Variants in DENND1A observed in about 807,000 individuals in gnomAD.
DENND1A encodes DENN domain containing 1A, also known as DENN domain-containing protein 1A.
Under a neutral mutation model 113.7 loss-of-function variants are expected in DENND1A, and 51 were observed. The ratio of observed to expected loss-of-function variants is 0.45; its 90% CI spans 0.36 to 0.57. The LOEUF (loss-of-function observed/expected upper bound fraction) is 0.57. Among genes scored for constraint, DENND1A ranks in the 20% least tolerant of loss-of-function variants. DENND1A has a pLI of 0.00. For missense variants in DENND1A, 1,258 were observed against 1,395.9 expected (o/e 0.90, Z 1.57); for synonymous variants, 565 against 570.8 (o/e 0.99, Z 0.14).
chr9:123,852,791 T>C (rs1843574223), intron 2 of DENND1A, among the ~76,000 whole-genome samples: 2 of 152,180 alleles, frequency 1.3e-5, no homozygotes, highest in Admixed American at 1.3e-4. Context: ...CCTATAAACC[T>C]GCATTTTAAT....
At chr9:123,411,078 A>G (rs1588394119) in intron 20 of DENND1A, among the ~76,000 whole-genome samples, 1 of 146,152 alleles carries the variant, frequency 6.8e-6, no homozygotes, top group Non-Finnish European at 1.5e-5. Context: ...CTGCTTCTCC[A>G]TCCTTACTTG....
chr9:123,440,681 A>G (rs2046864810), intron 18 of DENND1A, among the ~76,000 whole-genome samples, 190 bp from the exon 19 acceptor site: 1 of 152,278 alleles, frequency 6.6e-6, no homozygotes, highest in Non-Finnish European at 1.5e-5. Flanking sequence ...AACCCAAACC[A>G]TCCATGTGAA....
intron 2 of DENND1A, among the ~76,000 whole-genome samples, chr9:123,827,646 C>A (rs1839564446): frequency 6.6e-6 from 1 of 152,076 alleles, no homozygotes; most frequent in Non-Finnish European, 1.5e-5. Context: ...GGTTTCAAAT[C>A]CCCAACAGGA....
intron 5 of DENND1A, among the ~76,000 whole-genome samples, chr9:123,690,067 A>C: frequency 9.8e-6 from 1 of 102,398 alleles, no homozygotes; most frequent in Non-Finnish European, 1.9e-5. Context: ...GGAGGGAGGG[A>C]GGGAGGGAAG....
chr9:123,831,500 T>C (rs80295215), intron 2 of DENND1A, among the ~76,000 whole-genome samples: 2 of 152,108 alleles, frequency 1.3e-5, no homozygotes, highest in Middle Eastern at 3.2e-3. Flanking sequence ...AAAAAACTTT[T>C]AACAATAACA....
At chr9:123,737,340 T>A (rs1164660260) in intron 5 of DENND1A, among the ~76,000 whole-genome samples, 1 of 152,046 alleles carries the variant, frequency 6.6e-6, no homozygotes, top group African/African-American at 2.4e-5. Context: ...GAACTACAGG[T>A]GTGCACTACC....
intron 1 of DENND1A, among the ~76,000 whole-genome samples, chr9:123,902,940 A>C (rs1851946876): frequency 6.6e-6 from 1 of 152,188 alleles, no homozygotes; most frequent in Admixed American, 6.5e-5. Flanking sequence ...ATGGAATATA[A>C]TAATATCCAA....
intron 12 of DENND1A, among the ~76,000 whole-genome samples, chr9:123,576,390 C>A (rs1246224619): frequency 6.6e-6 from 1 of 152,194 alleles, no homozygotes; most frequent in Non-Finnish European, 1.5e-5. Context: ...CACTTCCTTA[C>A]AATTCAGATT....
intron 13 of DENND1A, among the ~76,000 whole-genome samples, chr9:123,494,014 CAG>C (rs1196799321): frequency 6.6e-6 from 1 of 152,140 alleles, no homozygotes; most frequent in Non-Finnish European, 1.5e-5. Context: ...CCCAGGAAAA[CAG>C]GGGTCTGGGC....
intron 13 of DENND1A, among the ~76,000 whole-genome samples, chr9:123,540,728 C>G (rs2056223656): frequency 6.6e-6 from 1 of 152,210 alleles, no homozygotes; most frequent in Non-Finnish European, 1.5e-5. Flanking sequence ...ATGCTGCTGA[C>G]AGCAGGGAGT....
intron 20 of DENND1A, among the ~76,000 whole-genome samples, chr9:123,408,883 T>C (rs776257121): frequency 4.6e-5 from 7 of 152,210 alleles, no homozygotes; most frequent in Non-Finnish European, 1.0e-4. Context: ...GAATGATCCT[T>C]CCCTGAATCA....
chr9:123,777,840 TGAGA>T (rs575929683), intron 3 of DENND1A, among the ~76,000 whole-genome samples: 7 of 152,226 alleles, frequency 4.6e-5, no homozygotes, highest in Non-Finnish European at 8.8e-5. Flanking sequence ...AATCTGCTTT[TGAGA>T]GAGAATTATT....
intron 13 of DENND1A, among the ~76,000 whole-genome samples, chr9:123,545,700 C>T (rs1163851035): frequency 6.6e-6 from 1 of 152,052 alleles, no homozygotes; most frequent in Non-Finnish European, 1.5e-5. Context: ...ATCTCCTGAC[C>T]TCATGATCCG....
intron 1 of DENND1A, among the ~76,000 whole-genome samples, chr9:123,905,114 G>A (rs1230692): frequency 0.28 from 42,699 of 149,918 alleles, 9,829 homozygotes; most frequent in African/African-American, 0.64. Context: ...ACTAAGCTTC[G>A]TAAGTGAAGG....
chr9:123,871,440 T>C (rs768211855), intron 2 of DENND1A, among the ~76,000 whole-genome samples: 10 of 152,204 alleles, frequency 6.6e-5, no homozygotes, highest in Non-Finnish European at 1.5e-4. Context: ...TGAGTATCCA[T>C]TGTGATCACA....
intron 2 of DENND1A, among the ~76,000 whole-genome samples, chr9:123,801,301 T>TA (rs1230370541): frequency 6.6e-6 from 1 of 152,170 alleles, no homozygotes; most frequent in African/African-American, 2.4e-5. Flanking sequence ...TTGAACCCAT[T>TA]AAACACCAAC....
intron 13 of DENND1A, among the ~76,000 whole-genome samples, chr9:123,479,365 C>T (rs1241732010): frequency 1.3e-5 from 2 of 152,248 alleles, no homozygotes; most frequent in African/African-American, 4.8e-5. Context: ...CCATGCTTTT[C>T]AGCCCTGCTT....
intron 5 of DENND1A, among the ~76,000 whole-genome samples, chr9:123,724,028 T>C (rs1232010085): frequency 2.0e-5 from 3 of 152,244 alleles, no homozygotes. Flanking sequence ...GTGATCTTTA[T>C]TTGCTGCTCA....
chr9:123,854,822 A>T (rs1041698266), intron 2 of DENND1A, among the ~76,000 whole-genome samples: 3 of 151,212 alleles, frequency 2.0e-5, no homozygotes, highest in African/African-American at 7.4e-5. Flanking sequence ...TTGGTCGAAT[A>T]TATCTTCATC....
Sources: gnomAD v4.1 joint callset for allele counts (sites outside exome capture counted in the v4.1 genomes callset) on GRCh38, gnomAD v4.1.1 for gene constraint, MANE v1.5 for transcripts, NCBI Gene and HGNC (gene_info 2026-07-23, HGNC 2026-07-21) for gene names.